The following CWC27 variants were observed in gnomAD, a reference collection of about 807,000 sequenced individuals.
CWC27 encodes the protein spliceosome-associated protein CWC27 homolog.
Under a neutral mutation model 63.6 loss-of-function variants are expected in CWC27, and 47 were observed. The observed-to-expected ratio is 0.74, with a 90% CI of 0.58 to 0.94. The LOEUF (loss-of-function observed/expected upper bound fraction) is 0.94. Ranked by LOEUF, CWC27 falls within the 40% of genes least tolerant of loss-of-function variation. The probability of loss-of-function intolerance (pLI) is 0.00; values close to 1 mark genes in which losing one functional copy is unlikely to be tolerated. For synonymous variants in CWC27, 175 were observed against 179.8 expected, an observed-to-expected ratio of 0.97 and a Z score of 0.22; for missense variants, 495 against 554.3, an observed-to-expected ratio of 0.89 and a Z score of 1.07.
intron 10 of CWC27, among the ~76,000 whole-genome samples, chr5:64,860,245 T>C (rs1014894253): frequency 1.3e-5 from 2 of 152,202 alleles, no homozygotes; most frequent in Non-Finnish European, 2.9e-5. Flanking sequence ...TTAAAATTAA[T>C]GGAAGAATTA....
intron 7 of CWC27, among the ~76,000 whole-genome samples, chr5:64,791,266 G>T (rs1157374141): frequency 1.3e-5 from 2 of 152,126 alleles, no homozygotes; most frequent in Admixed American, 6.6e-5. Flanking sequence ...AAATTAGTTT[G>T]AATTTTTTCT....
chr5:65,004,975 G>C (rs1307950408), intron 13 of CWC27, among the ~76,000 whole-genome samples: 1 of 144,620 alleles, frequency 6.9e-6, no homozygotes, highest in Non-Finnish European at 1.5e-5. Context: ...CTTCTGGGTG[G>C]GTGCAGTAGT....
intron 10 of CWC27, among the ~76,000 whole-genome samples, chr5:64,806,894 G>A (rs773171859): frequency 3.3e-5 from 5 of 152,160 alleles, no homozygotes; most frequent in East Asian, 1.9e-4. Context: ...TTATACCAGC[G>A]AGTCTCTGAA....
At chr5:64,948,264 A>G (rs1400028322) in intron 11 of CWC27, among the ~76,000 whole-genome samples, 2 of 152,054 alleles carry the variant, frequency 1.3e-5, no homozygotes, top group African/African-American at 4.8e-5. Context: ...CGACTAGAAA[A>G]AATCAGAGTA....
At chr5:64,857,638 T>C (rs1015073218) in intron 10 of CWC27, among the ~76,000 whole-genome samples, 4 of 152,114 alleles carry the variant, frequency 2.6e-5, no homozygotes, top group African/African-American at 9.7e-5. Flanking sequence ...TATATCAGAA[T>C]AGTGGAAGAT....
intron 13 of CWC27, among the ~76,000 whole-genome samples, chr5:64,992,429 T>C (rs1189419896): frequency 6.6e-6 from 1 of 152,172 alleles, no homozygotes; most frequent in Non-Finnish European, 1.5e-5. Flanking sequence ...AAGAAAAAAA[T>C]TAACTTGACT....
chr5:64,928,016 A>G (rs1748154072), intron 11 of CWC27, among the ~76,000 whole-genome samples: 3 of 152,130 alleles, frequency 2.0e-5, no homozygotes, highest in South Asian at 4.1e-4. Flanking sequence ...TTAGCCAGGC[A>G]TGGTGGCAGG....
chr5:64,811,704 A>C (rs1055303800), intron 10 of CWC27, among the ~76,000 whole-genome samples: 2 of 152,072 alleles, frequency 1.3e-5, no homozygotes, highest in African/African-American at 4.8e-5. Flanking sequence ...GATAAAGTTA[A>C]CTGGAATTTG....
chr5:64,795,997 T>TTGTG (rs1744249560), intron 7 of CWC27, among the ~76,000 whole-genome samples: 2 of 133,656 alleles, frequency 1.5e-5, no homozygotes, highest in African/African-American at 5.9e-5. Context: ...TAAAAAGAAA[T>TTGTG]TGTGCGTGTG....
chr5:64,790,262 G>A (rs1744029851), intron 7 of CWC27, among the ~76,000 whole-genome samples: 1 of 152,078 alleles, frequency 6.6e-6, no homozygotes, highest in African/African-American at 2.4e-5. Context: ...AAGGTCTCTA[G>A]ATGTCAAAAC....
intron 7 of CWC27, among the ~76,000 whole-genome samples, chr5:64,796,797 TTCCC>T (rs762174751): frequency 0.053 from 2,898 of 55,120 alleles, 133 homozygotes; most frequent in African/African-American, 0.068. Flanking sequence ...TCCTTCCTTC[TTCCC>T]TCCCTCCCTC....
chr5:64,966,635 T>G (rs1472153769), intron 11 of CWC27, among the ~76,000 whole-genome samples: 1 of 152,130 alleles, frequency 6.6e-6, no homozygotes, highest in Non-Finnish European at 1.5e-5. Flanking sequence ...GTCTATGCTC[T>G]AAAGATGCCA....
At chr5:64,889,221 A>AG (rs1747161678) in intron 11 of CWC27, among the ~76,000 whole-genome samples, 1 of 152,176 alleles carries the variant, frequency 6.6e-6, no homozygotes, top group Non-Finnish European at 1.5e-5. Flanking sequence ...ACAAAAAAAA[A>AG]GGATATTAGT....
chr5:65,007,914 C>T (rs1580779467), intron 13 of CWC27, among the ~76,000 whole-genome samples: 2 of 152,206 alleles, frequency 1.3e-5, no homozygotes, highest in East Asian at 3.9e-4. Flanking sequence ...AGGCGTGAGC[C>T]ACCGTGCCCA....
At chr5:64,787,702 A>G (rs946766672) in intron 6 of CWC27, among the ~76,000 whole-genome samples, 4 of 152,248 alleles carry the variant, frequency 2.6e-5, no homozygotes, top group African/African-American at 2.4e-5. Flanking sequence ...TACTGTCTGT[A>G]TATACTGCAG....
rs151137205 is a variant in CWC27 at position 64,921,733 on chromosome 5, T to C, written c.1042+36187T>C. On this transcript the variant is annotated intron_variant, in intron 11 of 13. Transcript: ENST00000381070. Reference sequence around the variant, plus strand: ...CCTGTGTGTTATGTAGACTTGATTGTATAGTTGCTTTATAGTGTCAGTGGG... The same window carrying C: ...CCTGTGTGTTATGTAGACTTGATTGCATAGTTGCTTTATAGTGTCAGTGGG... 2.6e-4 allele frequency among the ~76,000 whole-genome samples: 39 copies of C among 152,302 alleles called. 1 individual carries two copies. The highest frequency in any genetic ancestry group is 8.9e-4 in the African/African-American group (37 of 41,552).
rs756661798 is a variant in CWC27, at chr5:64,788,926, TTTTTC to T, written c.600-21_600-17del. ...TGATTTGACTTTCTCTTTCTTTTTT[TTTTTC>T]TTTCTTTTTTTTGGACTAGAAATTT... is the stretch of plus-strand genomic sequence containing the variant. On this transcript the variant is annotated intron_variant, in intron 6 of 13. Coordinates refer to ENST00000381070, the MANE Select transcript of CWC27 (RefSeq NM_005869.4). The T allele has an allele frequency of 7.3e-6, 11 of 1,502,054 alleles. No individual in the cohort carries two copies. In the South Asian group the frequency reaches 1.2e-4, roughly 17 times the overall value. 93.0% of individuals were successfully genotyped at this position (1,502,054 alleles called of 1,614,324 possible).
chr5:64,936,734 T>A (rs1490705795), intron 11 of CWC27, among the ~76,000 whole-genome samples: 1 of 152,112 alleles, frequency 6.6e-6, no homozygotes, highest in African/African-American at 2.4e-5. Flanking sequence ...GGTCCTGGCC[T>A]TTTTTTGGTT....
intron 10 of CWC27, among the ~76,000 whole-genome samples, chr5:64,842,861 C>G (rs1472804237): frequency 6.6e-6 from 1 of 150,774 alleles, no homozygotes; most frequent in Non-Finnish European, 1.5e-5. Flanking sequence ...CTCACCCTCT[C>G]AAAGTGCTGG....
Sources: gnomAD v4.1 joint callset for allele counts (sites outside exome capture counted in the v4.1 genomes callset) on GRCh38, gnomAD v4.1.1 for gene constraint, MANE v1.5 for transcripts, NCBI Gene and HGNC (gene_info 2026-07-23, HGNC 2026-07-21) for gene names.